PCNX4: variants seen among roughly 807,000 people sequenced by gnomAD.
PCNX4 encodes pecanex-like protein 4.
In PCNX4, 103 loss-of-function variants were observed where a neutral mutation model predicts 107.2. The ratio of observed to expected loss-of-function variants is 0.96; its 90% CI spans 0.82 to 1.13. The LOEUF (loss-of-function observed/expected upper bound fraction) is 1.13. Among genes scored for constraint, PCNX4 ranks in the 50% most tolerant of loss-of-function variants. PCNX4 has a pLI of 0.00. For missense variants in PCNX4, 1,528 were observed against 1,379.4 expected (o/e 1.11, Z -1.71); for synonymous variants, 541 against 481.7 (o/e 1.12, Z -1.61).
chr14:60,099,550 G>T (rs973852715), intron 1 of PCNX4, among the ~76,000 whole-genome samples: 14 of 152,138 alleles, frequency 9.2e-5, no homozygotes, highest in African/African-American at 3.4e-4. Context: ...AGATTTACTG[G>T]ATTGTAACCT....
chr14:60,097,020 A>G (rs1195498229), intron 1 of PCNX4, among the ~76,000 whole-genome samples: 1 of 147,308 alleles, frequency 6.8e-6, no homozygotes, highest in Admixed American at 7.0e-5. Flanking sequence ...GTCTTGCCTC[A>G]TGTTTTCCAA....
rs1271103244 is a variant in PCNX4 at position 60,124,411 on chromosome 14, T to A, written c.2240T>A (p.Ile747Asn). 3 of 1,613,604 alleles carry A rather than the reference T, an allele frequency of 1.9e-6. No homozygotes were observed. Among genetic ancestry groups the A allele is most frequent in the Non-Finnish European group, 2.5e-6 (3 of 1,179,680 alleles). ...SDARNVLSGI[I>N]DSHENLKEFK... ...GCCAGGAATGTTCTATCAGGCATAA[T>A]TGATTCTCATGAAAACTTAAAAGAA... The change falls in exon 9 of 11, where the codon ATT (isoleucine) becomes AAT (asparagine). Residue 747 changes from isoleucine (I) to asparagine (N), a missense_variant. Physicochemically the swap from Ile to Asn is moderately radical, Grantham distance 149 (BLOSUM62 -3). Transcript: ENST00000406854.
At chr14:60,128,074 AAAGG>A (rs1467792576) in intron 10 of PCNX4, among the ~76,000 whole-genome samples, 4 of 152,230 alleles carry the variant, frequency 2.6e-5, no homozygotes, top group Admixed American at 1.3e-4. Context: ...GAATGAATAA[AAAGG>A]AAGAGAGCTT....
intron 1 of PCNX4, among the ~76,000 whole-genome samples, chr14:60,101,752 G>A (rs1365889043): frequency 6.6e-6 from 1 of 152,114 alleles, no homozygotes; most frequent in Non-Finnish European, 1.5e-5. Context: ...TTGCTTTTGG[G>A]TATTTATACA....
chr14:60,125,544 C>T (rs535733886), intron 9 of PCNX4, 93 bp from the exon 10 acceptor site: 91 of 929,412 alleles, frequency 9.8e-5, no homozygotes, highest in African/African-American at 4.7e-4. Context: ...GATTTCAGTT[C>T]AATGTCTTAA....
In PCNX4 at chr14:60,133,978, C is replaced by T; in HGVS notation, c.3276C>T (p.Tyr1092=). 2.5e-6 allele frequency: 4 copies of T among 1,611,932 alleles called. No individual in the cohort carries two copies. In the South Asian group the frequency reaches 4.4e-5, roughly 18 times the overall value. Residue 1092 remains tyrosine, a synonymous_variant, in exon 11 of 11, where the codon TAC becomes TAT. Coordinates refer to ENST00000406854, the MANE Select transcript of PCNX4 (RefSeq NM_001330177.2). ...SLGYDSNMGI[Y]TGRVLSLQEL... ...CCCTTTTTACTTTAAAGGGAATTTA[C>T]ACTGGGAGAGTGCTTAGCCTTCAAG...
chr14:60,106,928 C>T (rs540576514), intron 1 of PCNX4, among the ~76,000 whole-genome samples: 3 of 152,178 alleles, frequency 2.0e-5, no homozygotes, highest in Admixed American at 6.5e-5. Context: ...TTATTTTATA[C>T]TTAGATTTAT....
At chr14:60,102,416 TTTTG>T (rs766069803) in intron 1 of PCNX4, among the ~76,000 whole-genome samples, 2 of 152,194 alleles carry the variant, frequency 1.3e-5, no homozygotes, top group Non-Finnish European at 2.9e-5. Context: ...TTTGTTGTTT[TTTTG>T]TTTAACAGAT....
chr14:60,130,233 T>C (rs1256899080), intron 10 of PCNX4, among the ~76,000 whole-genome samples: 1 of 151,506 alleles, frequency 6.6e-6, no homozygotes, highest in Admixed American at 6.6e-5. Flanking sequence ...CCAGCTACTC[T>C]GGAGGCTGAA....
chr14:60,094,627 G>A (rs7145995), intron 1 of PCNX4, among the ~76,000 whole-genome samples: 6 of 152,014 alleles, frequency 3.9e-5, no homozygotes, highest in Non-Finnish European at 7.4e-5. Context: ...ATCCTGCCGG[G>A]CAGCAAACCA....
At chr14:60,133,575 T>G (rs1566522779) in intron 10 of PCNX4, 1 of 434,868 alleles carries the variant, frequency 2.3e-6, no homozygotes, top group Middle Eastern at 3.4e-4. Context: ...TAAGTAAATG[T>G]GAATTATATG....
rs1896365130 is a variant in PCNX4 at position 60,145,082 on chromosome 14, C to T, written c.*10861C>T. 2 of 1,137,046 alleles carry T rather than the reference C, an allele frequency of 1.8e-6. No individual in the cohort carries two copies. Among genetic ancestry groups the T allele is most frequent in the Non-Finnish European group, 2.4e-6 (2 of 825,554 alleles). The allele number at this position is 1,137,046 out of a possible 1,614,324, so 70.4% of individuals were successfully genotyped here. A position where few individuals can be genotyped will look rare whatever the true frequency, so the allele number is the denominator to read the frequency against. On this transcript the variant is annotated 3_prime_UTR_variant, in exon 11 of 11. Coordinates refer to ENST00000406854, the MANE Select transcript of PCNX4 (RefSeq NM_001330177.2). The surrounding 1 kb of genome is among the most constrained non-coding windows in gnomAD (Gnocchi z 4.0). The stretch of plus-strand genomic sequence containing the variant: ...TTACTCCAGTTTTTAACATTTAAGT[C>T]CTTCTGTTTTGAGGAGCTGTATCAT...
chr14:60,105,614 A>G (rs936221716), intron 1 of PCNX4, among the ~76,000 whole-genome samples: 3 of 152,226 alleles, frequency 2.0e-5, no homozygotes, highest in Non-Finnish European at 4.4e-5. Flanking sequence ...TGTTTCTACA[A>G]TAATAACACT....
Position 60,107,840 on chromosome 14 carries a change from A to C in PCNX4, c.202A>C (p.Lys68Gln), listed in dbSNP as rs1209012740. Residue 68 changes from lysine to glutamine, a missense_variant, in exon 2 of 11, where the codon AAA (lysine) becomes CAA (glutamine). Lys to Gln is a moderately conservative substitution (Grantham distance 53). Coordinates refer to ENST00000406854, the MANE Select transcript of PCNX4 (RefSeq NM_001330177.2). ...ACTTTTATACCAGTTAGGCATCCTG[A>C]AAGACTATTATACAGCAGCACTTTC... is the stretch of plus-strand genomic sequence containing the variant. ...GTLLYQLGILKDYYTAALSGG... is the reference protein window; with the variant it reads ...GTLLYQLGILQDYYTAALSGG... 2 of 1,612,814 alleles carry C rather than the reference A, an allele frequency of 1.2e-6. No homozygotes were observed. The highest frequency in any genetic ancestry group is 8.5e-7 in the Non-Finnish European group (1 of 1,179,820).
rs974236812 is a variant in PCNX4, at chr14:60,139,906, G to A, written c.*5685G>A. 6.6e-6 allele frequency: 1 copy of A among 151,542 alleles called. No homozygotes were observed. The highest frequency in any genetic ancestry group is 1.5e-5 in the Non-Finnish European group (1 of 67,918). 9.4% of individuals were successfully genotyped at this position (151,542 alleles called of 1,614,324 possible). A position where few individuals can be genotyped will look rare whatever the true frequency, so the allele number is the denominator to read the frequency against. ...CTACATGTCAAAACTTATGGTAGACGCCTAAAGCCATGCTTAGAAGGAAAT... is the reference window on the plus strand; with the variant it reads ...CTACATGTCAAAACTTATGGTAGACACCTAAAGCCATGCTTAGAAGGAAAT... On this transcript the variant is annotated 3_prime_UTR_variant, in exon 11 of 11. Transcript: ENST00000406854.
In PCNX4 at chr14:60,108,016, T is replaced by G. The variant is rs773424535; in HGVS notation, c.378T>G (p.Thr126=). ...HEFTSCTGAE[T]VKFLIPGKKY... is the part of the protein sequence containing the mutation. ...TTACCAGTTGTACTGGTGCTGAGAC[T>G]GTCAAATTTCTCATTCCTGGCAAGA... Residue 126 remains threonine, a synonymous_variant, in exon 2 of 11, where the codon ACT becomes ACG. Transcript: ENST00000406854. 258 of 1,612,728 alleles carry G rather than the reference T, an allele frequency of 1.6e-4. No individual in the cohort carries two copies. The highest frequency in any genetic ancestry group is 5.7e-4 in the Admixed American group (34 of 60,004).
Position 60,136,686 on chromosome 14 carries a change from TGA to T in PCNX4, c.*2469_*2470del, listed in dbSNP as rs77099195. Reference sequence around the variant, plus strand: ...GGCTGGGCGTACTTATAGGCATGGGTGAGAGGGGTCTGGGCAGTATGGCTTGC... The same window carrying T: ...GGCTGGGCGTACTTATAGGCATGGGTGAGGGGTCTGGGCAGTATGGCTTGC... On this transcript the variant is annotated 3_prime_UTR_variant, in exon 11 of 11. Transcript: ENST00000406854. The T allele has an allele frequency of 0.014, 2,164 of 152,584 alleles. 101 individuals are homozygous for T. In the East Asian group the frequency reaches 0.18, roughly 12 times the overall value. 9.5% of individuals were successfully genotyped at this position (152,584 alleles called of 1,614,324 possible).
intron 1 of PCNX4, among the ~76,000 whole-genome samples, chr14:60,094,624 C>T (rs115252662): frequency 0.011 from 1,611 of 152,108 alleles, 22 homozygotes; most frequent in African/African-American, 0.037. Flanking sequence ...AATATCCTGC[C>T]GGGCAGCAAA....
chr14:60,103,454 C>G (rs1895571109), intron 1 of PCNX4, among the ~76,000 whole-genome samples: 1 of 152,162 alleles, frequency 6.6e-6, no homozygotes, highest in Non-Finnish European at 1.5e-5. Flanking sequence ...CTGCCCTGAC[C>G]ACAGACCCCT....
Sources: allele counts gnomAD v4.1 joint callset (sites outside exome capture counted in the v4.1 genomes callset), GRCh38; gene constraint gnomAD v4.1.1; non-coding constraint Gnocchi (gnomAD v3.1); transcripts MANE v1.5; gene names NCBI Gene and HGNC (gene_info 2026-07-23, HGNC 2026-07-21).